The following FAM171A1 variants were observed in gnomAD, a reference collection of about 807,000 sequenced individuals.
FAM171A1 encodes protein FAM171A1.
FAM171A1 carries 23 observed loss-of-function variants against 74.9 expected under a neutral mutation model. The ratio of observed to expected loss-of-function variants is 0.31; its 90% CI spans 0.22 to 0.44. FAM171A1 has a LOEUF of 0.44. Among genes scored for constraint, FAM171A1 ranks in the 20% least tolerant of loss-of-function variants. FAM171A1 has a pLI of 1.00. For synonymous variants in FAM171A1, 527 were observed against 505.7 expected (o/e 1.04, Z -0.57); for missense variants, 1,162 against 1,159.2 (o/e 1.00, Z -0.03).
At chr10:15,280,036 G>A (rs1834947041) in intron 2 of FAM171A1, among the ~76,000 whole-genome samples, 1 of 152,108 alleles carries the variant, frequency 6.6e-6, no homozygotes, top group African/African-American at 2.4e-5. Context: ...GTAGTGAGCT[G>A]AGATTGCACC....
At chr10:15,242,448 C>A (rs2131748236) in intron 5 of FAM171A1, among the ~76,000 whole-genome samples, 1 of 152,254 alleles carries the variant, frequency 6.6e-6, no homozygotes, top group Non-Finnish European at 1.5e-5. Context: ...TCTGTTACAA[C>A]CAGGAATTTG....
chr10:15,336,289 G>A (rs1835698775), intron 1 of FAM171A1, among the ~76,000 whole-genome samples: 1 of 148,180 alleles, frequency 6.7e-6, no homozygotes, highest in African/African-American at 2.5e-5. Flanking sequence ...TCCTCCTAAG[G>A]CATAACTGGG....
At chr10:15,248,204 T>G (rs996842222) in intron 5 of FAM171A1, among the ~76,000 whole-genome samples, 45 of 152,128 alleles carry the variant, frequency 3.0e-4, no homozygotes, top group African/African-American at 1.0e-3. Context: ...TTTCTCTAGG[T>G]GGTGAGACTT....
chr10:15,260,879 AG>A (rs1225049496), intron 3 of FAM171A1, among the ~76,000 whole-genome samples: 1 of 152,036 alleles, frequency 6.6e-6, no homozygotes, highest in Non-Finnish European at 1.5e-5. Context: ...GTCTCTGGGG[AG>A]GGGGGGCAAA....
At chr10:15,366,074 AAC>A (rs1175391388) in intron 1 of FAM171A1, among the ~76,000 whole-genome samples, 1 of 152,212 alleles carries the variant, frequency 6.6e-6, no homozygotes, top group Non-Finnish European at 1.5e-5. Flanking sequence ...TTTTTTAAGA[AAC>A]AGTTATTTCA....
At chr10:15,215,384 G>A (rs77875961) in intron 7 of FAM171A1, among the ~76,000 whole-genome samples, 5 of 148,550 alleles carry the variant, frequency 3.4e-5, no homozygotes, top group African/African-American at 1.2e-4. Context: ...TTTTTTTTTT[G>A]AGATGGAGTC....
At chr10:15,260,154 C>A (rs117707036) in intron 3 of FAM171A1, among the ~76,000 whole-genome samples, 5,041 of 152,142 alleles carry the variant, frequency 0.033, 114 homozygotes, top group South Asian at 0.064. Context: ...TCATGCATCT[C>A]CATGTCTGAA....
intron 1 of FAM171A1, among the ~76,000 whole-genome samples, chr10:15,307,045 G>A (rs1383192484): frequency 6.6e-6 from 1 of 152,138 alleles, no homozygotes; most frequent in Non-Finnish European, 1.5e-5. Flanking sequence ...TACATCCAGG[G>A]TACTGTGGAA....
chr10:15,219,073 A>G (rs780981835), intron 6 of FAM171A1, among the ~76,000 whole-genome samples: 1 of 152,172 alleles, frequency 6.6e-6, no homozygotes, highest in Admixed American at 6.5e-5. Context: ...ACCGGAGGTC[A>G]GAAGTTCAAG....
At chr10:15,238,141 G>A (rs1335409948) in intron 5 of FAM171A1, among the ~76,000 whole-genome samples, 1 of 152,202 alleles carries the variant, frequency 6.6e-6, no homozygotes, top group Non-Finnish European at 1.5e-5. Flanking sequence ...GCACAGTGTA[G>A]TACTGTTTAT....
At chr10:15,308,215 C>T (rs1399786924) in intron 1 of FAM171A1, among the ~76,000 whole-genome samples, 1 of 152,126 alleles carries the variant, frequency 6.6e-6, no homozygotes, top group Non-Finnish European at 1.5e-5. Flanking sequence ...AATCTAACTG[C>T]AACACATTAT....
At chr10:15,308,857 G>C (rs755173568) in intron 1 of FAM171A1, among the ~76,000 whole-genome samples, 21 of 151,972 alleles carry the variant, frequency 1.4e-4, no homozygotes, top group Non-Finnish European at 2.8e-4. Context: ...GTAGAGATGG[G>C]GTTTCACCAT....
intron 5 of FAM171A1, among the ~76,000 whole-genome samples, chr10:15,228,884 C>T (rs1291081431): frequency 2.6e-5 from 4 of 152,198 alleles, no homozygotes; most frequent in Admixed American, 1.3e-4. Context: ...CTGGTGCAAT[C>T]CTAGAGCCAC....
At chr10:15,346,115 T>C (rs1835814865) in intron 1 of FAM171A1, among the ~76,000 whole-genome samples, 1 of 152,126 alleles carries the variant, frequency 6.6e-6, no homozygotes, top group Non-Finnish European at 1.5e-5. Flanking sequence ...ATTTTTTGTT[T>C]GTTTAGAGAC....
chr10:15,299,764 G>T (rs1835206325), intron 1 of FAM171A1, among the ~76,000 whole-genome samples: 1 of 152,064 alleles, frequency 6.6e-6, no homozygotes, highest in Non-Finnish European at 1.5e-5. Context: ...GGATCATGAG[G>T]TCAGGAGATT....
At chr10:15,254,042 G>C (rs1458828341) in intron 4 of FAM171A1, among the ~76,000 whole-genome samples, 1 of 152,238 alleles carries the variant, frequency 6.6e-6, no homozygotes, top group East Asian at 1.9e-4. Flanking sequence ...TTAGAGACCT[G>C]CCAGGAGAGG....
chr10:15,225,930 A>G (rs751599687), intron 5 of FAM171A1, among the ~76,000 whole-genome samples: 1 of 152,192 alleles, frequency 6.6e-6, no homozygotes. Context: ...GGGGTCTGAC[A>G]GACAACAGTC....
intron 1 of FAM171A1, among the ~76,000 whole-genome samples, chr10:15,354,752 C>T (rs7083529): frequency 0.18 from 27,299 of 152,142 alleles, 2,485 homozygotes; most frequent in African/African-American, 0.22. Flanking sequence ...CCTGGAATAA[C>T]GATACTTTCA....
chr10:15,229,140 T>C (rs777536971), intron 5 of FAM171A1, among the ~76,000 whole-genome samples: 1 of 152,172 alleles, frequency 6.6e-6, no homozygotes, highest in Non-Finnish European at 1.5e-5. Flanking sequence ...AACATAGCCA[T>C]TTCTACTCCT....
Sources: gnomAD v4.1 joint callset for allele counts (sites outside exome capture counted in the v4.1 genomes callset) on GRCh38, gnomAD v4.1.1 for gene constraint, MANE v1.5 for transcripts, NCBI Gene and HGNC (gene_info 2026-07-23, HGNC 2026-07-21) for gene names.